EHBP1: variants seen among roughly 807,000 people sequenced by gnomAD.
The protein encoded by EHBP1 is EH domain binding protein 1, also known as EH domain-binding protein 1.
A neutral mutation model predicts 144.0 loss-of-function variants in EHBP1; 55 were observed. The ratio of observed to expected loss-of-function variants is 0.38; its 90% CI spans 0.31 to 0.48. EHBP1 has a LOEUF of 0.48. Ranked by LOEUF, EHBP1 falls within the 20% of genes least tolerant of loss-of-function variation. The pLI, the probability that EHBP1 is intolerant of heterozygous loss-of-function variation, is 0.98. For synonymous variants in EHBP1, 469 were observed against 472.7 expected (o/e 0.99, Z 0.10); for missense variants, 1,200 against 1,364.2 (o/e 0.88, Z 1.90).
intron 5 of EHBP1, among the ~76,000 whole-genome samples, chr2:62,822,367 A>G (rs1307925154): frequency 1.3e-5 from 2 of 152,172 alleles, no homozygotes; most frequent in African/African-American, 4.8e-5. Flanking sequence ...ACACTATTTT[A>G]AAGTAAACAT....
At chr2:62,772,433 C>G (rs1415270928) in intron 5 of EHBP1, among the ~76,000 whole-genome samples, 1 of 152,096 alleles carries the variant, frequency 6.6e-6, no homozygotes, top group Non-Finnish European at 1.5e-5. Flanking sequence ...ATAATGTAGG[C>G]TTGGAATTCT....
At chr2:62,686,278 T>C (rs1234517071) in intron 1 of EHBP1, among the ~76,000 whole-genome samples, 1 of 152,208 alleles carries the variant, frequency 6.6e-6, no homozygotes, top group Non-Finnish European at 1.5e-5. Flanking sequence ...AATAATATAC[T>C]GCATATCATC....
At chr2:62,899,895 C>A (rs992163857) in intron 10 of EHBP1, among the ~76,000 whole-genome samples, 1 of 152,184 alleles carries the variant, frequency 6.6e-6, no homozygotes, top group African/African-American at 2.4e-5. Flanking sequence ...ATTTTATTGT[C>A]TGTACAGAAT....
At chr2:62,703,697 A>G (rs1460052541), upstream of EHBP1, among the ~76,000 whole-genome samples, 2 of 152,264 alleles carry the variant, frequency 1.3e-5, no homozygotes, top group Non-Finnish European at 2.9e-5. Flanking sequence ...ATAAGAAACT[A>G]TCAGTCTCTT....
chr2:63,038,444 A>C (rs2061532597), intron 20 of EHBP1, among the ~76,000 whole-genome samples: 1 of 152,310 alleles, frequency 6.6e-6, no homozygotes, highest in South Asian at 2.1e-4. Flanking sequence ...ATTATGAAAA[A>C]TATTTTAGAA....
intron 13 of EHBP1, among the ~76,000 whole-genome samples, chr2:62,949,783 G>A (rs1481773300): frequency 1.3e-5 from 2 of 151,976 alleles, no homozygotes; most frequent in Non-Finnish European, 2.9e-5. Context: ...AATACTGTAC[G>A]GTTTTAACCT....
At position 62,933,015 on chromosome 2, in the gene EHBP1, A is replaced by C. The variant is rs375875493; in HGVS notation, c.1186-9703A>C. Among the ~76,000 whole-genome samples the C allele has an allele frequency of 4.7e-4, 72 of 151,994 alleles. No homozygotes were observed. The East Asian group carries it at 0.012, about 24-fold the overall frequency. On this transcript the variant is annotated intron_variant, in intron 10 of 22. Transcript: ENST00000431489. Reference sequence around the variant, plus strand: ...ATGTGTATTTTACTACAATAAAAAGAAATTATTAAAAAGTTATTGAGGAGC... The same window carrying C: ...ATGTGTATTTTACTACAATAAAAAGCAATTATTAAAAAGTTATTGAGGAGC...
At chr2:63,021,257 C>G (rs1048964436) in intron 19 of EHBP1, among the ~76,000 whole-genome samples, 2 of 152,160 alleles carry the variant, frequency 1.3e-5, no homozygotes, top group Middle Eastern at 3.4e-3. Flanking sequence ...CCCCAGCCCC[C>G]CAGAAAAGCC....
chr2:62,785,064 T>C (rs1020929299), intron 5 of EHBP1, among the ~76,000 whole-genome samples: 1 of 152,022 alleles, frequency 6.6e-6, no homozygotes, highest in Non-Finnish European at 1.5e-5. Flanking sequence ...AAATACATTT[T>C]ATATTATGAT....
At chr2:63,000,519 A>ATGTT (rs2059807385) in intron 19 of EHBP1, among the ~76,000 whole-genome samples, 2 of 152,050 alleles carry the variant, frequency 1.3e-5, no homozygotes, top group African/African-American at 2.4e-5. Flanking sequence ...AACATGGTGA[A>ATGTT]ACCCCATTTC....
chr2:63,032,843 G>C (rs1335860471), intron 19 of EHBP1, among the ~76,000 whole-genome samples: 1 of 152,130 alleles, frequency 6.6e-6, no homozygotes, highest in Non-Finnish European at 1.5e-5. Context: ...ATGTGTGAGA[G>C]AATATGGCAG....
intron 9 of EHBP1, among the ~76,000 whole-genome samples, chr2:62,873,444 G>T (rs968752753): frequency 1.3e-5 from 2 of 151,744 alleles, no homozygotes; most frequent in African/African-American, 4.8e-5. Context: ...AGCACAAGAA[G>T]AATAAAGATT....
chr2:62,991,333 T>A (rs1469969996), intron 16 of EHBP1, among the ~76,000 whole-genome samples: 1 of 152,050 alleles, frequency 6.6e-6, no homozygotes, highest in African/African-American at 2.4e-5. Flanking sequence ...ATTCATATAC[T>A]ATTTTTCAGG....
chr2:62,941,729 T>A (rs534761030), intron 10 of EHBP1, among the ~76,000 whole-genome samples: 1 of 152,248 alleles, frequency 6.6e-6, no homozygotes, highest in South Asian at 2.1e-4. Flanking sequence ...TCTCTTTTCA[T>A]TTTACTTTAG....
intron 5 of EHBP1, among the ~76,000 whole-genome samples, chr2:62,787,559 G>A (rs183572779): frequency 3.9e-5 from 6 of 152,214 alleles, no homozygotes; most frequent in African/African-American, 1.2e-4. Context: ...AACCTCATTA[G>A]CCATAGCACA....
rs1389043176 is a variant in EHBP1 at position 62,792,314 on chromosome 2, A to G, written c.312+20922A>G. 3.9e-5 allele frequency among the ~76,000 whole-genome samples: 6 copies of G among 152,020 alleles called. No homozygotes were observed. In the East Asian group the frequency reaches 1.2e-3, roughly 29 times the overall value. ...CAGTAATGTTCTACAGTCCAGATAT[A>G]TTAGTGCCTTTCTTTTCTCTTCTTT... is the stretch of plus-strand genomic sequence containing the variant. On this transcript the variant is annotated intron_variant, in intron 5 of 22. Transcript: ENST00000431489.
chr2:62,872,556 C>G (rs2050576226), intron 9 of EHBP1, among the ~76,000 whole-genome samples: 2 of 152,118 alleles, frequency 1.3e-5, no homozygotes, highest in African/African-American at 2.4e-5. Flanking sequence ...TGTACAGCCA[C>G]TATTCCTGTT....
intron 19 of EHBP1, among the ~76,000 whole-genome samples, chr2:63,030,189 A>T (rs1293502417): frequency 6.6e-6 from 1 of 152,186 alleles, no homozygotes; most frequent in Non-Finnish European, 1.5e-5. Flanking sequence ...GTTTCTCAGA[A>T]TTAATGTAAG....
intron 2 of EHBP1, among the ~76,000 whole-genome samples, chr2:62,732,424 G>C (rs1456320464): frequency 6.6e-6 from 1 of 152,138 alleles, no homozygotes; most frequent in East Asian, 1.9e-4. Flanking sequence ...CTCGTGTTCA[G>C]TTGTAATCCC....
Sources: gnomAD v4.1 joint callset for allele counts (sites outside exome capture counted in the v4.1 genomes callset) on GRCh38, gnomAD v4.1.1 for gene constraint, MANE v1.5 for transcripts, NCBI Gene and HGNC (gene_info 2026-07-23, HGNC 2026-07-21) for gene names.